ECHDC3: variants seen among roughly 807,000 people sequenced by gnomAD.
ECHDC3 encodes enoyl-CoA hydratase domain containing 3, also known as enoyl-CoA hydratase domain-containing protein 3, mitochondrial.
In ECHDC3, 20 loss-of-function variants were observed where a neutral mutation model predicts 17.9. The observed-to-expected ratio is 1.12, with a 90% CI of 0.79 to 1.63. ECHDC3 has a LOEUF of 1.63. Among genes scored for constraint, ECHDC3 ranks in the 40% most tolerant of loss-of-function variants. The pLI is 0.00. For missense variants in ECHDC3, 407 were observed against 357.7 expected, an observed-to-expected ratio of 1.14 and a Z score of -1.11; for synonymous variants, 177 against 149.7, an observed-to-expected ratio of 1.18 and a Z score of -1.33.
intron 4 of ECHDC3, among the ~76,000 whole-genome samples, chr10:11,757,350 G>A (rs1832895496): frequency 6.6e-6 from 1 of 152,096 alleles, no homozygotes; most frequent in Admixed American, 6.6e-5. Flanking sequence ...GTTTTAAATT[G>A]ATAAAATTTA....
At chr10:11,761,884 G>C (rs1832957323) in intron 4 of ECHDC3, among the ~76,000 whole-genome samples, 1 of 152,140 alleles carries the variant, frequency 6.6e-6, no homozygotes, top group Non-Finnish European at 1.5e-5. Context: ...TTGATAAGTT[G>C]CTTGCTATGT....
At chr10:11,744,526 G>T (rs1832740430) in intron 1 of ECHDC3, among the ~76,000 whole-genome samples, 1 of 152,076 alleles carries the variant, frequency 6.6e-6, no homozygotes, top group Non-Finnish European at 1.5e-5. Flanking sequence ...CATTTATAGG[G>T]ACCATCTCTT....
intron 4 of ECHDC3, among the ~76,000 whole-genome samples, chr10:11,758,889 TG>T (rs1588465642): frequency 6.6e-6 from 1 of 152,248 alleles, no homozygotes; most frequent in Non-Finnish European, 1.5e-5. Context: ...ACCCTGCTGC[TG>T]GTGCTCCCTG....
At chr10:11,759,976 A>G (rs1179878746) in intron 4 of ECHDC3, among the ~76,000 whole-genome samples, 1 of 152,248 alleles carries the variant, frequency 6.6e-6, no homozygotes, top group Admixed American at 6.5e-5. Context: ...AGTAAGTGGC[A>G]GAGCTGGGGT....
chr10:11,763,989 T>G lies in ECHDC3; in HGVS notation c.*445T>G. 1 of 981,288 alleles carries G rather than the reference T, an allele frequency of 1.0e-6. No individual in the cohort carries two copies. Among genetic ancestry groups the G allele is most frequent in the African/African-American group, 1.7e-5 (1 of 57,326 alleles). 60.8% of individuals were successfully genotyped at this position (981,288 alleles called of 1,614,324 possible). A position where few individuals can be genotyped will look rare whatever the true frequency, so the allele number is the denominator to read the frequency against. The stretch of plus-strand genomic sequence containing the variant: ...CGAGATATTCTCCACACAGAAAATC[T>G]TCTTGATTCTATAGAGACTTAATCA... On this transcript the variant is annotated 3_prime_UTR_variant, in exon 5 of 5. Transcript: ENST00000379215. The surrounding 1 kb of genome is among the most constrained non-coding windows in gnomAD (Gnocchi z 4.9).
At chr10:11,752,239 G>A (rs1832833292) in intron 3 of ECHDC3, 1 of 148,970 alleles carries the variant, frequency 6.7e-6, no homozygotes, top group South Asian at 2.1e-4. Flanking sequence ...AGCCTCCTGA[G>A]TAGCTGGGAC....
chr10:11,757,459 G>A (rs1029709086), intron 4 of ECHDC3, among the ~76,000 whole-genome samples: 1 of 152,166 alleles, frequency 6.6e-6, no homozygotes, highest in Non-Finnish European at 1.5e-5. Flanking sequence ...TCACCCAGTT[G>A]GATGAACCAA....
chr10:11,763,170 G>C lies in ECHDC3; in HGVS notation c.592-54G>C. 1.5e-6 allele frequency: 1 copy of C among 687,268 alleles called. No homozygotes were observed. The highest frequency in any genetic ancestry group is 2.7e-6 in the Non-Finnish European group (1 of 372,532). 42.6% of individuals were successfully genotyped at this position (687,268 alleles called of 1,614,324 possible). The stretch of plus-strand genomic sequence containing the variant: ...CATTGAGCCGAGGCGGGACTCAGGT[G>C]GCGGGGGCGGGTCACAGGAGAGCAC... On this transcript the variant is annotated intron_variant, in intron 4 of 4. Coordinates refer to ENST00000379215, the MANE Select transcript of ECHDC3 (RefSeq NM_024693.5). The surrounding 1 kb of genome is among the most constrained non-coding windows in gnomAD (Gnocchi z 4.9).
chr10:11,749,603 A>AC lies in ECHDC3; in HGVS notation c.390+12dup. 1 of 1,613,636 alleles carries AC rather than the reference A, an allele frequency of 6.2e-7. No individual in the cohort carries two copies. The highest frequency in any genetic ancestry group is 8.5e-7 in the Non-Finnish European group (1 of 1,179,760). On this transcript the variant is annotated intron_variant, in intron 3 of 4. Transcript: ENST00000379215. The stretch of plus-strand genomic sequence containing the variant: ...CAGACCTGTTCCAAGGTAAGCCAAG[A>AC]CGACAGTCGACAGTGCAAACCTGCA...
intron 1 of ECHDC3, among the ~76,000 whole-genome samples, chr10:11,745,624 C>T (rs931074747): frequency 6.6e-5 from 10 of 152,062 alleles, no homozygotes; most frequent in African/African-American, 2.2e-4. Context: ...ACTTGTTTTC[C>T]GGAAAACCAT....
chr10:11,760,484 C>G (rs1282997449), intron 4 of ECHDC3, among the ~76,000 whole-genome samples: 1 of 152,242 alleles, frequency 6.6e-6, no homozygotes, highest in East Asian at 1.9e-4. Context: ...TTTACTCTTT[C>G]CTCCTTCCAG....
chr10:11,753,601 C>T (rs1765902228), intron 3 of ECHDC3, among the ~76,000 whole-genome samples: 1 of 152,052 alleles, frequency 6.6e-6, no homozygotes, highest in African/African-American at 2.4e-5. Flanking sequence ...TCTTTCTTTG[C>T]AGCAAGACTT....
rs1832703614 is a variant in ECHDC3, at chr10:11,742,438, GGTTCCGTCCGGGTCTCGGCCACCGTCGA to G, written c.-130_-103del. 2 of 842,964 alleles carry G rather than the reference GGTTCCGTCCGGGTCTCGGCCACCGTCGA, an allele frequency of 2.4e-6. No homozygotes were observed. The highest frequency in any genetic ancestry group is 6.0e-5 in the South Asian group (1 of 16,726). 52.2% of individuals were successfully genotyped at this position (842,964 alleles called of 1,614,324 possible). A position where few individuals can be genotyped will look rare whatever the true frequency, so the allele number is the denominator to read the frequency against. On this transcript the variant is annotated 5_prime_UTR_variant, in exon 1 of 5. Coordinates refer to ENST00000379215, the MANE Select transcript of ECHDC3 (RefSeq NM_024693.5). ...CCCGCGAAGCCTGGGCCTGTCAGGC[GGTTCCGTCCGGGTCTCGGCCACCGTCGA>G]GTTCCGTCGAGTTCCGTCCCGGCCC...
Position 11,742,700 on chromosome 10 carries a change from G to C in ECHDC3, c.124G>C (p.Glu42Gln). The C allele has an allele frequency of 8.1e-7, 1 of 1,241,896 alleles. No homozygotes were observed. The highest frequency in any genetic ancestry group is 1.0e-6 in the Non-Finnish European group (1 of 994,000). 76.9% of individuals were successfully genotyped at this position (1,241,896 alleles called of 1,614,324 possible). The change falls in exon 1 of 5, where the codon GAG becomes CAG. Residue 42 changes from glutamate to glutamine, a missense_variant. Glu to Gln is a conservative substitution (Grantham distance 29). Transcript: ENST00000379215. ...SRDPAGAGRR[E>Q]SEPRPTSARQ... ...GGACCCGGCCGGGGCGGGGCGGCGG[G>C]AGTCGGAGCCGCGGCCCACCAGCGC... is the stretch of plus-strand genomic sequence containing the variant.
chr10:11,749,294 C>A (rs1007925857), intron 2 of ECHDC3, among the ~76,000 whole-genome samples: 1 of 152,158 alleles, frequency 6.6e-6, no homozygotes, highest in Non-Finnish European at 1.5e-5. Flanking sequence ...CTAAAAAATG[C>A]CTCGCCTTGC....
rs558792712 is a variant in ECHDC3 at position 11,746,860 on chromosome 10, G to A, written c.171-489G>A. Among the ~76,000 whole-genome samples the A allele has an allele frequency of 1.8e-3, 272 of 152,188 alleles. 3 individuals are homozygous for A. Among genetic ancestry groups the A allele is most frequent in the African/African-American group, 6.5e-3 (268 of 41,500 alleles). The stretch of plus-strand genomic sequence containing the variant: ...TGAAGCAGGAGAATTGCTTGAACCG[G>A]GGAGGTGGAGGTTGCAGTGAGCCGA... On this transcript the variant is annotated intron_variant, in intron 1 of 4. Transcript: ENST00000379215.
chr10:11,748,806 A>C (rs891385228), intron 2 of ECHDC3, among the ~76,000 whole-genome samples: 2 of 152,192 alleles, frequency 1.3e-5, no homozygotes, highest in Non-Finnish European at 2.9e-5. Context: ...GAATTGCTTG[A>C]ACCTGGGAGG....
chr10:11,742,924 C>T (rs1832712895), intron 1 of ECHDC3, 178 bp downstream of exon 1: 2 of 661,894 alleles, frequency 3.0e-6, no homozygotes, highest in Admixed American at 4.5e-5. Context: ...GTAGGGCCGT[C>T]GGTGGGACTG....
chr10:11,762,583 A>G (rs34844369), intron 4 of ECHDC3, among the ~76,000 whole-genome samples: 92,183 of 152,006 alleles, frequency 0.61, 28,294 homozygotes, highest in Middle Eastern at 0.66. Flanking sequence ...GGACACGGTG[A>G]GGAGGGAGGG....
Sources: allele counts gnomAD v4.1 joint callset (sites outside exome capture counted in the v4.1 genomes callset), GRCh38; gene constraint gnomAD v4.1.1; non-coding constraint Gnocchi (gnomAD v3.1); transcripts MANE v1.5; gene names NCBI Gene and HGNC (gene_info 2026-07-23, HGNC 2026-07-21).